The following GDF5 variants were observed in gnomAD, a reference collection of about 807,000 sequenced individuals.
The protein encoded by GDF5 is growth/differentiation factor 5.
In GDF5, 17 loss-of-function variants were observed where a neutral mutation model predicts 34.6. That is an observed-to-expected ratio of 0.49 (90% confidence interval 0.34 to 0.74). The LOEUF (loss-of-function observed/expected upper bound fraction) is 0.74. Ranked by LOEUF, GDF5 falls within the 30% of genes least tolerant of loss-of-function variation. The pLI is 0.01. For missense variants in GDF5, 616 were observed against 661.2 expected, an observed-to-expected ratio of 0.93 and a Z score of 0.75; for synonymous variants, 332 against 290.7, an observed-to-expected ratio of 1.14 and a Z score of -1.44.
rs748435907 is a variant in GDF5, at chr20:35,437,850, C to T, written c.79G>A (p.Gly27Ser). ...GGTCTCTGGCCCAAGTCAGGGGCACCCAACACAGTGCAGATGAATTCCAGG... is the reference window on the plus strand; with the variant it reads ...GGTCTCTGGCCCAAGTCAGGGGCACTCAACACAGTGCAGATGAATTCCAGG... ...LDLEFICTVL[G>S]APDLGQRPQG... The change falls in exon 1 of 2, where the codon GGT becomes AGT. Residue 27 changes from glycine (G) to serine (S), a missense_variant. By Grantham distance (56) the Gly-to-Ser change is moderately conservative (BLOSUM62 0). Transcript: ENST00000374369. 1.7e-5 allele frequency: 27 copies of T among 1,614,040 alleles called. 1 individual carries two copies. The South Asian group carries it at 3.0e-4, about 18-fold the overall frequency.
intron 1 of GDF5, chr20:35,435,085 T>C: frequency 1.6e-6 from 1 of 608,394 alleles, no homozygotes; most frequent in Non-Finnish European, 3.0e-6. Context: ...GTAACTGCCT[T>C]CTACCTATCT....
At position 35,434,442 on chromosome 20, in the gene GDF5, G is replaced by C. The variant is rs2062460459; in HGVS notation, c.973C>G (p.Arg325Gly). 6.2e-7 allele frequency: 1 copy of C among 1,613,226 alleles called. No individual in the cohort carries two copies. The highest frequency in any genetic ancestry group is 1.1e-5 in the South Asian group (1 of 91,066). Residue 325 changes from arginine (R) to glycine (G), a missense_variant, in exon 2 of 2, where the codon CGT becomes GGT. Transcript: ENST00000374369. ...AWERGRAVDL[R>G]GLGFDRAARQ... ...GCGGCGCGGTCGAAGCCCAGGCCACGGAGGTCCACGGCCCTGCCCCGTTCC... is the reference window on the plus strand; with the variant it reads ...GCGGCGCGGTCGAAGCCCAGGCCACCGAGGTCCACGGCCCTGCCCCGTTCC...
rs751093117 is a variant in GDF5 at position 35,437,795 on chromosome 20, G to A, written c.134C>T (p.Ala45Val). ...PQGTRPGLAKAEAKERPPLAR... is the reference protein window; with the variant it reads ...PQGTRPGLAKVEAKERPPLAR... Reference sequence around the variant, plus strand: ...CAGGGGGGGCCTCTCCTTGGCCTCTGCTTTGGCCAATCCTGGCCTGGTCCC... The same window carrying A: ...CAGGGGGGGCCTCTCCTTGGCCTCTACTTTGGCCAATCCTGGCCTGGTCCC... Residue 45 changes from alanine (A) to valine (V), a missense_variant, in exon 1 of 2, where the codon GCA becomes GTA. By Grantham distance (64) the Ala-to-Val change is moderately conservative. Transcript: ENST00000374369. 6.2e-7 allele frequency: 1 copy of A among 1,613,334 alleles called. No individual in the cohort carries two copies. Among genetic ancestry groups the A allele is most frequent in the Non-Finnish European group, 8.5e-7 (1 of 1,179,632 alleles).
In GDF5 at chr20:35,434,589, C is replaced by G; in HGVS notation, c.826G>C (p.Ala276Pro). Residue 276 changes from alanine (A) to proline (P), a missense_variant, in exon 2 of 2, where the codon GCC becomes CCC. Coordinates refer to ENST00000374369, the MANE Select transcript of GDF5 (RefSeq NM_000557.5). The part of the protein sequence containing the change: ...SSCPSGRQPA[A>P]LLDVRSVPGL... ...GGCACGGAGCGCACATCCAGCAAGG[C>G]GGCCGGCTGCCGGCCGCTGGGGCAG... 6.3e-7 allele frequency: 1 copy of G among 1,584,392 alleles called. No homozygotes were observed. The highest frequency in any genetic ancestry group is 1.1e-5 in the South Asian group (1 of 87,538).
rs551377091 is a variant in GDF5 at position 35,452,328 on chromosome 20, T to C, written c.-398+2312A>G. On this transcript the variant is annotated intron_variant, in intron 1 of 3. Transcript: ENST00000374372. ...CAATGCTCAATAAATGTCCACTGGG[T>C]AAATGAATAAATAAGGGAATGAATC... Among the ~76,000 whole-genome samples the C allele has an allele frequency of 3.9e-5, 6 of 152,360 alleles. No individual in the cohort carries two copies. In the East Asian group the frequency reaches 1.2e-3, roughly 29 times the overall value.
chr20:35,437,834 C>T lies in GDF5; in HGVS notation c.95G>A (p.Gly32Asp), dbSNP rs2062481353. 1.2e-6 allele frequency: 2 copies of T among 1,613,870 alleles called. No homozygotes were observed. The highest frequency in any genetic ancestry group is 1.7e-6 in the Non-Finnish European group (2 of 1,179,902). The change falls in exon 1 of 2, where the codon GGC (glycine) becomes GAC (aspartate). Residue 32 changes from glycine to aspartate, a missense_variant. Coordinates refer to ENST00000374369, the MANE Select transcript of GDF5 (RefSeq NM_000557.5). ...ICTVLGAPDL[G>D]QRPQGTRPGL... ...TGGCCTGGTCCCCTGGGGTCTCTGG[C>T]CCAAGTCAGGGGCACCCAACACAGT...
upstream of GDF5, among the ~76,000 whole-genome samples, chr20:35,439,751 A>C (rs2062491436): frequency 6.6e-6 from 1 of 151,940 alleles, no homozygotes; most frequent in South Asian, 2.1e-4. Flanking sequence ...AGCACTCTAC[A>C]TCCTGAGAAG....
At chr20:35,441,780 T>C (rs1227379688), upstream of GDF5, among the ~76,000 whole-genome samples, 1 of 152,018 alleles carries the variant, frequency 6.6e-6, no homozygotes, top group Non-Finnish European at 1.5e-5. Flanking sequence ...TTAAAGCACT[T>C]ATTCCAGTCA....
chr20:35,434,041 G>A lies in GDF5; in HGVS notation c.1374C>T (p.Pro458=), dbSNP rs776415223. The A allele has an allele frequency of 9.9e-6, 16 of 1,612,768 alleles. No individual in the cohort carries two copies. The highest frequency in any genetic ancestry group is 4.5e-5 in the East Asian group (2 of 44,788). Residue 458 remains proline (P), a synonymous_variant, in exon 2 of 2, where the codon CCC becomes CCT. Coordinates refer to ENST00000374369, the MANE Select transcript of GDF5 (RefSeq NM_000557.5). Reference sequence around the variant, plus strand: ...CACAGCAGGTGGGTGGTGTGGACTCGGGGTCCATGGAGTTCATCAGGGTCT... The same window carrying A: ...CACAGCAGGTGGGTGGTGTGGACTCAGGGTCCATGGAGTTCATCAGGGTCT... ...VIQTLMNSMD[P]ESTPPTCCVP...
chr20:35,434,251 C>T lies in GDF5; in HGVS notation c.1164G>A (p.Gln388=). 1 of 1,614,070 alleles carries T rather than the reference C, an allele frequency of 6.2e-7. No individual in the cohort carries two copies. Among genetic ancestry groups the T allele is most frequent in the Non-Finnish European group, 8.5e-7 (1 of 1,180,034 alleles). The stretch of plus-strand genomic sequence containing the variant: ...TAAGGTTCTTGCTGGGTCGCTTGCC[C>T]TGGCGAGTGGCCAGTGGGGCCCGCC... ...RKRRAPLATR[Q]GKRPSKNLKA... is the part of the protein sequence containing the mutation. The change falls in exon 2 of 2, where the codon CAG becomes CAA. Residue 388 remains glutamine (Q), a synonymous_variant. Coordinates refer to ENST00000374369, the MANE Select transcript of GDF5 (RefSeq NM_000557.5).
intron 1 of GDF5, chr20:35,434,985 G>T (rs1443301514): frequency 6.0e-6 from 4 of 672,006 alleles, no homozygotes; most frequent in South Asian, 1.6e-5. Flanking sequence ...ACCAAGTAGG[G>T]GTGTTCACCT....
At chr20:35,439,484 C>T (rs901421020), upstream of GDF5, among the ~76,000 whole-genome samples, 9 of 152,242 alleles carry the variant, frequency 5.9e-5, no homozygotes, top group East Asian at 1.5e-3. Context: ...GCCTCGGCCT[C>T]CCAAAGTGCT....
At chr20:35,445,225 G>A (rs2062509893) in intron 1 of GDF5, among the ~76,000 whole-genome samples, 1 of 152,082 alleles carries the variant, frequency 6.6e-6, no homozygotes, top group Non-Finnish European at 1.5e-5. Context: ...GAATAATAAC[G>A]ATATACCTAG....
intron 1 of GDF5, among the ~76,000 whole-genome samples, chr20:35,435,988 G>A (rs575729780): frequency 6.6e-5 from 10 of 151,594 alleles, no homozygotes; most frequent in Admixed American, 6.6e-5. Context: ...GATTCAGCAC[G>A]TGTGTGTGTG....
rs945714416 is a variant in GDF5, at chr20:35,437,725, C to T, written c.204G>A (p.Gly68=). The T allele has an allele frequency of 6.2e-7, 1 of 1,613,508 alleles. No individual in the cohort carries two copies. Among genetic ancestry groups the T allele is most frequent in the African/African-American group, 1.3e-5 (1 of 74,990 alleles). The change falls in exon 1 of 2, where the codon GGG becomes GGA. Residue 68 remains glycine, a synonymous_variant. Coordinates refer to ENST00000374369, the MANE Select transcript of GDF5 (RefSeq NM_000557.5). ...FRPGGHSYGG[G]ATNANARAKG... is the part of the protein sequence containing the mutation. ...TTGCCCTGGCATTGGCATTGGTGGC[C>T]CCCCCACCATAGCTGTGACCCCCTG...
chr20:35,437,432 G>T lies in GDF5; in HGVS notation c.497C>A (p.Pro166His), dbSNP rs61754581. 8,568 of 1,613,784 alleles carry T rather than the reference G, an allele frequency of 5.3e-3. 431 individuals are homozygous for T. In the African/African-American group the frequency reaches 0.1, roughly 19 times the overall value. The stretch of plus-strand genomic sequence containing the variant: ...GAGCATGTACTCGTGGGGTGTGATG[G>T]GGGGTGGGCGAAACGGCTCCTTGGG... ...REPKEPFRPP[P>H]ITPHEYMLSL... is the part of the protein sequence containing the mutation. The change falls in exon 1 of 2, where the codon CCC (proline) becomes CAC (histidine). Residue 166 changes from proline to histidine, a missense_variant. By Grantham distance (77) the Pro-to-His change is moderately conservative (BLOSUM62 -2). Transcript: ENST00000374369.
At chr20:35,451,110 G>A (rs1356704619) in intron 1 of GDF5, among the ~76,000 whole-genome samples, 3 of 114,100 alleles carry the variant, frequency 2.6e-5, no homozygotes, top group Admixed American at 9.0e-5. Context: ...TATATATGTA[G>A]TGATTTAGCA....
Position 35,433,714 on chromosome 20 carries a change from A to G in GDF5, c.*195T>C. The G allele has an allele frequency of 1.5e-6, 1 of 656,000 alleles. No homozygotes were observed. The highest frequency in any genetic ancestry group is 2.1e-5 in the Admixed American group (1 of 46,664). The allele number at this position is 656,000 out of a possible 1,614,324, so 40.6% of individuals were successfully genotyped here. Reference sequence around the variant, plus strand: ...CATCAGCAGACGGGCAGCAATCCTCAGCCAGGGGAACTTGTGGATAAAAGG... The same window carrying G: ...CATCAGCAGACGGGCAGCAATCCTCGGCCAGGGGAACTTGTGGATAAAAGG... On this transcript the variant is annotated 3_prime_UTR_variant, in exon 2 of 2. Coordinates refer to ENST00000374369, the MANE Select transcript of GDF5 (RefSeq NM_000557.5).
At chr20:35,439,105 C>T (rs767928442), upstream of GDF5, among the ~76,000 whole-genome samples, 7 of 151,822 alleles carry the variant, frequency 4.6e-5, no homozygotes, top group Non-Finnish European at 1.0e-4. Context: ...CCTTGGATGG[C>T]GGCAGGTCCA....
Sources: gnomAD v4.1 joint callset for allele counts (sites outside exome capture counted in the v4.1 genomes callset) on GRCh38, gnomAD v4.1.1 for gene constraint, MANE v1.5 for transcripts, NCBI Gene and HGNC (gene_info 2026-07-23, HGNC 2026-07-21) for gene names.